Variants in ROBO2 observed in about 807,000 individuals in gnomAD.
ROBO2 encodes the protein roundabout guidance receptor 2, also known as roundabout homolog 2.
ROBO2 carries 53 observed loss-of-function variants against 160.8 expected under a neutral mutation model. The observed-to-expected ratio is 0.33, with a 90% CI of 0.26 to 0.41. The LOEUF is 0.41. Among genes scored for constraint, ROBO2 ranks in the 10% least tolerant of loss-of-function variants. The pLI is 1.00. For missense variants in ROBO2, 1,577 were observed against 1,722.4 expected (o/e 0.92, Z 1.49); for synonymous variants, 664 against 611.7 (o/e 1.09, Z -1.26).
intron 2 of ROBO2, among the ~76,000 whole-genome samples, chr3:76,654,420 G>T (rs2091398566): frequency 6.6e-6 from 1 of 152,140 alleles, no homozygotes; most frequent in Non-Finnish European, 1.5e-5. Context: ...TGTATTCGGT[G>T]AAGGTAAAAC....
chr3:77,423,045 AT>A (rs2077855065), intron 2 of ROBO2, among the ~76,000 whole-genome samples: 1 of 152,152 alleles, frequency 6.6e-6, no homozygotes, highest in Admixed American at 6.5e-5. Flanking sequence ...AATAAAGCAG[AT>A]TTCCTGGGAT....
At chr3:77,111,753 A>C (rs2073609038) in intron 2 of ROBO2, among the ~76,000 whole-genome samples, 1 of 152,184 alleles carries the variant, frequency 6.6e-6, no homozygotes, top group Non-Finnish European at 1.5e-5. Flanking sequence ...ACATGACTTA[A>C]TGAGTAGAGT....
At chr3:75,997,902 G>A (rs928641346) in intron 2 of ROBO2, among the ~76,000 whole-genome samples, 5 of 152,024 alleles carry the variant, frequency 3.3e-5, no homozygotes, top group African/African-American at 1.2e-4. Flanking sequence ...ATCTGTAATG[G>A]TATTAAGTAC....
At chr3:76,259,476 T>C (rs546790199) in intron 2 of ROBO2, among the ~76,000 whole-genome samples, 1 of 152,208 alleles carries the variant, frequency 6.6e-6, no homozygotes, top group East Asian at 1.9e-4. Flanking sequence ...TGTTTGAGAG[T>C]CAGTTCTATA....
intron 2 of ROBO2, among the ~76,000 whole-genome samples, chr3:77,476,056 A>T (rs1051706257): frequency 3.3e-5 from 5 of 152,232 alleles, no homozygotes; most frequent in Admixed American, 6.5e-5. Flanking sequence ...AAGGGCCATG[A>T]CTTCATTAAG....
At chr3:77,286,768 T>C (rs1362672993) in intron 2 of ROBO2, among the ~76,000 whole-genome samples, 1 of 152,244 alleles carries the variant, frequency 6.6e-6, no homozygotes, top group Non-Finnish European at 1.5e-5. Flanking sequence ...AAATATTTAG[T>C]CTATTACTCT....
At chr3:76,462,289 G>A (rs551321844) in intron 2 of ROBO2, among the ~76,000 whole-genome samples, 3 of 152,072 alleles carry the variant, frequency 2.0e-5, no homozygotes, top group African/African-American at 4.8e-5. Flanking sequence ...CTTACTCACC[G>A]AGCTCTTTCC....
intron 2 of ROBO2, among the ~76,000 whole-genome samples, chr3:77,382,215 GA>G (rs1326614423): frequency 6.6e-6 from 1 of 152,012 alleles, no homozygotes; most frequent in African/African-American, 2.4e-5. Context: ...GAAATGGATA[GA>G]AAAATAAATT....
chr3:76,717,210 A>G (rs1468591119), intron 2 of ROBO2, among the ~76,000 whole-genome samples: 2 of 152,062 alleles, frequency 1.3e-5, no homozygotes, highest in South Asian at 2.1e-4. Context: ...AAGCCCCACT[A>G]TGGCTGGGCA....
intron 2 of ROBO2, among the ~76,000 whole-genome samples, chr3:76,445,550 T>C (rs990867713): frequency 6.6e-6 from 1 of 152,140 alleles, no homozygotes; most frequent in African/African-American, 2.4e-5. Flanking sequence ...GAGGCCAGCT[T>C]CATCCTGATA....
At chr3:76,253,100 T>C (rs1035826873) in intron 2 of ROBO2, among the ~76,000 whole-genome samples, 2 of 152,076 alleles carry the variant, frequency 1.3e-5, no homozygotes, top group Non-Finnish European at 2.9e-5. Flanking sequence ...ATTAAATAAC[T>C]GGTACTACAG....
At chr3:77,546,966 A>T (rs1023367122) in intron 7 of ROBO2, among the ~76,000 whole-genome samples, 1 of 152,078 alleles carries the variant, frequency 6.6e-6, no homozygotes, top group Non-Finnish European at 1.5e-5. Context: ...AGAGTAGGAT[A>T]AATCTTTTCC....
rs984862460 is a variant in ROBO2 at position 76,815,173 on chromosome 3, A to G, written c.110-282841A>G. On this transcript the variant is annotated intron_variant, in intron 2 of 26. Transcript: ENST00000487694. ...AATTTTGGAGCTAAAAAAATTTAGT[A>G]TCTAAATTTTTGTAAAGGATCTAGC... is the stretch of plus-strand genomic sequence containing the variant. Among the ~76,000 whole-genome samples, 10 of 152,204 alleles carry G rather than the reference A, an allele frequency of 6.6e-5. No individual in the cohort carries two copies. The South Asian group carries it at 2.1e-3, about 32-fold the overall frequency.
At chr3:77,117,586 A>C (rs2074333645) in intron 2 of ROBO2, among the ~76,000 whole-genome samples, 1 of 152,172 alleles carries the variant, frequency 6.6e-6, no homozygotes, top group Non-Finnish European at 1.5e-5. Flanking sequence ...TCAAAGTTCT[A>C]CATAAATTTA....
At chr3:76,304,878 A>T (rs1384962961) in intron 2 of ROBO2, among the ~76,000 whole-genome samples, 1 of 150,718 alleles carries the variant, frequency 6.6e-6, no homozygotes, top group Non-Finnish European at 1.5e-5. Context: ...CTCGATGTAT[A>T]TATGCACCAC....
rs562218540 is a variant in ROBO2 at position 76,491,990 on chromosome 3, C to T, written c.109+554388C>T. Among the ~76,000 whole-genome samples, 44 of 152,224 alleles carry T rather than the reference C, an allele frequency of 2.9e-4. No individual in the cohort carries two copies. In the South Asian group the frequency reaches 6.6e-3, roughly 23 times the overall value. ...TGGATGTGGTGCATGGTGGTGTGTG[C>T]CTGTAGTCCCAGCTACTGGGGAGGC... is the stretch of plus-strand genomic sequence containing the variant. On this transcript the variant is annotated intron_variant, in intron 2 of 26. Coordinates refer to the ROBO2 transcript ENST00000487694.
intron 2 of ROBO2, among the ~76,000 whole-genome samples, chr3:77,278,868 A>T: frequency 6.6e-6 from 1 of 152,178 alleles, no homozygotes; most frequent in East Asian, 1.9e-4. Context: ...ACTTAAATTC[A>T]AACTCAGACT....
At chr3:76,979,242 C>T (rs923683137) in intron 2 of ROBO2, among the ~76,000 whole-genome samples, 1 of 152,094 alleles carries the variant, frequency 6.6e-6, no homozygotes, top group African/African-American at 2.4e-5. Context: ...CCACATTTGG[C>T]CCAAGTGTAG....
intron 2 of ROBO2, among the ~76,000 whole-genome samples, chr3:76,041,976 CAG>C (rs1231664040): frequency 1.4e-5 from 2 of 141,480 alleles, no homozygotes; most frequent in Non-Finnish European, 3.0e-5. Flanking sequence ...GTGTGTGTGA[CAG>C]AGAGTGAGAG....
Sources: gnomAD v4.1 joint callset for allele counts (sites outside exome capture counted in the v4.1 genomes callset) on GRCh38, gnomAD v4.1.1 for gene constraint, MANE v1.5 for transcripts, NCBI Gene and HGNC (gene_info 2026-07-23, HGNC 2026-07-21) for gene names.